The following PCDHA5 variants were observed in gnomAD, a reference collection of about 807,000 sequenced individuals.
The protein encoded by PCDHA5 is protocadherin alpha-5.
Under a neutral mutation model 61.6 loss-of-function variants are expected in PCDHA5, and 43 were observed. That is an observed-to-expected ratio of 0.70 (90% CI 0.55 to 0.90). The LOEUF is 0.90. Ranked by LOEUF, PCDHA5 falls within the 40% of genes least tolerant of loss-of-function variation. The pLI, the probability that PCDHA5 is intolerant of heterozygous loss-of-function variation, is 0.00. For missense variants in PCDHA5, 1,298 were observed against 1,222.7 expected (o/e 1.06, Z -0.92); for synonymous variants, 627 against 543.9 (o/e 1.15, Z -2.13).
Position 140,993,509 on chromosome 5 carries a change from CGGGGAGAGAG to C in PCDHA5, c.2500+10947_2500+10956del, listed in dbSNP as rs2097568307. Among the ~76,000 whole-genome samples, 3 of 143,488 alleles carry C rather than the reference CGGGGAGAGAG, an allele frequency of 2.1e-5. No homozygotes were observed. In the Admixed American group the frequency reaches 2.1e-4, roughly 10 times the overall value. 94.1% of individuals were successfully genotyped at this position (143,488 alleles called of 152,430 possible). A position where few individuals can be genotyped will look rare whatever the true frequency, so the allele number is the denominator to read the frequency against. On this transcript the variant is annotated intron_variant, in intron 3 of 3. Coordinates refer to ENST00000529859, the MANE Select transcript of PCDHA5 (RefSeq NM_018908.3). Reference sequence around the variant, plus strand: ...ACACACACACACACACACACACACACGGGGAGAGAGAGACAGAGAGAGAGAGAGATAGAGA... The same window carrying C: ...ACACACACACACACACACACACACACAGACAGAGAGAGAGAGAGATAGAGA...
chr5:140,821,742 G>A lies in PCDHA5; in HGVS notation c.-34G>A, dbSNP rs2150110366. On this transcript the variant is annotated 5_prime_UTR_variant, in exon 1 of 4. The change abolishes an upstream ATG in the 5' untranslated region. Transcript: ENST00000529859. ...TTTACAAAATACATTGTGTGGTGAT[G>A]CAATAGAAAGCTCATAATTGGAACG... is the stretch of plus-strand genomic sequence containing the variant. The A allele has an allele frequency of 9.6e-6, 15 of 1,555,750 alleles. No individual in the cohort carries two copies. The highest frequency in any genetic ancestry group is 1.4e-5 in the African/African-American group (1 of 72,946).
intron 1 of PCDHA5, among the ~76,000 whole-genome samples, chr5:140,943,825 T>C (rs1421631991): frequency 6.6e-6 from 1 of 152,128 alleles, no homozygotes; most frequent in East Asian, 1.9e-4. Context: ...GAAAATGAGT[T>C]GATTGAAGTT....
rs200597765 is a variant in PCDHA5, at chr5:140,848,761, G to T, written c.2352+24634G>T. 1.1e-5 allele frequency: 18 copies of T among 1,593,344 alleles called. 1 individual carries two copies. The highest frequency in any genetic ancestry group is 1.0e-4 in the Admixed American group (6 of 59,114). On this transcript the variant is annotated intron_variant, in intron 1 of 3. Coordinates refer to ENST00000529859, the MANE Select transcript of PCDHA5 (RefSeq NM_018908.3). ...AATGGCATTTTGTTTGTGAATTCTCGGATCGACCGCGAGGAGCTGTGCGGG... is the reference window on the plus strand; with the variant it reads ...AATGGCATTTTGTTTGTGAATTCTCTGATCGACCGCGAGGAGCTGTGCGGG...
intron 1 of PCDHA5, among the ~76,000 whole-genome samples, chr5:140,974,318 A>G (rs2096622244): frequency 6.6e-6 from 1 of 152,206 alleles, no homozygotes; most frequent in Admixed American, 6.5e-5. Context: ...GTGAGAGAGT[A>G]GCTGCTGTGC....
chr5:140,834,619 T>C, intron 1 of PCDHA5: 1 of 1,614,188 alleles, frequency 6.2e-7, no homozygotes, highest in Non-Finnish European at 8.5e-7. Flanking sequence ...GAGGTAAATC[T>C]GCAGAATGGC....
intron 1 of PCDHA5, chr5:140,841,697 G>A (rs1777423806): frequency 2.5e-6 from 4 of 1,613,882 alleles, no homozygotes; most frequent in African/African-American, 1.3e-5. Flanking sequence ...GGTGAAGGAT[G>A]TTAATGACAA....
intron 1 of PCDHA5, chr5:140,868,693 T>C (rs1284176343): frequency 5.7e-6 from 1 of 176,810 alleles, no homozygotes; most frequent in African/African-American, 2.4e-5. Flanking sequence ...TAATGTTAAG[T>C]CAAACATAGA....
chr5:140,948,525 A>G (rs187765359), intron 1 of PCDHA5, among the ~76,000 whole-genome samples: 2 of 151,708 alleles, frequency 1.3e-5, no homozygotes, highest in Admixed American at 1.3e-4. Flanking sequence ...AACACTATTT[A>G]TATTTTATTT....
intron 1 of PCDHA5, chr5:140,836,868 C>T (rs1321806293): frequency 1.4e-6 from 1 of 730,902 alleles, no homozygotes; most frequent in East Asian, 2.8e-5. Flanking sequence ...TAATGTTATG[C>T]TGTATTTGCA....
intron 1 of PCDHA5, among the ~76,000 whole-genome samples, chr5:140,941,693 G>C (rs2093147737): frequency 6.6e-6 from 1 of 151,900 alleles, no homozygotes; most frequent in South Asian, 2.1e-4. Flanking sequence ...TTACCTCTTT[G>C]GGCTTAGCTT....
chr5:140,857,855 A>T, intron 1 of PCDHA5: 1 of 1,597,468 alleles, frequency 6.3e-7, no homozygotes, highest in Non-Finnish European at 8.6e-7. Context: ...CTCTGGATAC[A>T]ACGCGTGGCT....
At chr5:140,889,949 A>G (rs1444545834) in intron 1 of PCDHA5, among the ~76,000 whole-genome samples, 1 of 152,202 alleles carries the variant, frequency 6.6e-6, no homozygotes, top group South Asian at 2.1e-4. Flanking sequence ...GAGAAGCCAA[A>G]TGGATAGAAA....
intron 1 of PCDHA5, among the ~76,000 whole-genome samples, chr5:140,889,588 GA>G (rs2062289236): frequency 6.6e-6 from 1 of 151,768 alleles, no homozygotes; most frequent in East Asian, 1.9e-4. Context: ...TTTTTGCTTT[GA>G]AATATTTTTA....
intron 1 of PCDHA5, chr5:140,828,206 G>T: frequency 6.2e-7 from 1 of 1,614,036 alleles, no homozygotes; most frequent in Non-Finnish European, 8.5e-7. Context: ...ACCCGAGGAG[G>T]CCAAACACGG....
chr5:140,821,654 G>T lies in PCDHA5; in HGVS notation c.-122G>T. On this transcript the variant is annotated 5_prime_UTR_variant, in exon 1 of 4. Transcript: ENST00000529859. ...GAAAGGAAAAGAACCTTCCATTTTT[G>T]GCTGTGCCAAGAAGCTCAGAAAGGC... The T allele has an allele frequency of 9.1e-7, 1 of 1,101,190 alleles. No homozygotes were observed. The highest frequency in any genetic ancestry group is 1.3e-6 in the Non-Finnish European group (1 of 774,948). 68.2% of individuals were successfully genotyped at this position (1,101,190 alleles called of 1,614,324 possible).
chr5:140,856,808 C>G (rs1554149136), intron 1 of PCDHA5: 1 of 1,594,492 alleles, frequency 6.3e-7, no homozygotes. Context: ...GTATGAAAAT[C>G]AAGTGAACCA....
intron 1 of PCDHA5, among the ~76,000 whole-genome samples, chr5:140,897,315 T>C (rs980857290): frequency 6.8e-6 from 1 of 147,686 alleles, no homozygotes; most frequent in Non-Finnish European, 1.5e-5. Context: ...GTATATCTCC[T>C]AAAGCTATCC....
At chr5:140,949,167 T>C (rs2094348737) in intron 1 of PCDHA5, among the ~76,000 whole-genome samples, 1 of 151,798 alleles carries the variant, frequency 6.6e-6, no homozygotes, top group Admixed American at 6.6e-5. Flanking sequence ...AATTCTCTTT[T>C]GGTCAGAGAA....
At chr5:140,878,545 A>G (rs1554170455) in intron 1 of PCDHA5, among the ~76,000 whole-genome samples, 1 of 152,228 alleles carries the variant, frequency 6.6e-6, no homozygotes, top group African/African-American at 2.4e-5. Context: ...AACCAGTTTC[A>G]GATGATCCCA....
Sources: allele counts gnomAD v4.1 joint callset (sites outside exome capture counted in the v4.1 genomes callset), GRCh38; gene constraint gnomAD v4.1.1; transcripts MANE v1.5; gene names NCBI Gene and HGNC (gene_info 2026-07-23, HGNC 2026-07-21).